SPATA13: variants seen among roughly 807,000 people sequenced by gnomAD.
SPATA13 encodes spermatogenesis associated 13, also known as spermatogenesis-associated protein 13.
Under a neutral mutation model 104.0 loss-of-function variants are expected in SPATA13, and 50 were observed. The ratio of observed to expected loss-of-function variants is 0.48; its 90% CI spans 0.38 to 0.61. The LOEUF is 0.61. Among genes scored for constraint, SPATA13 ranks in the 20% least tolerant of loss-of-function variants. The pLI, the probability that SPATA13 is intolerant of heterozygous loss-of-function variation, is 0.00. For missense variants in SPATA13, 1,524 were observed against 1,690.6 expected, an observed-to-expected ratio of 0.90 and a Z score of 1.73; for synonymous variants, 606 against 667.5, an observed-to-expected ratio of 0.91 and a Z score of 1.42.
In SPATA13 at chr13:24,222,896, G is replaced by C. The variant is rs1398244802; in HGVS notation, c.-34G>C. 1.3e-6 allele frequency: 2 copies of C among 1,549,834 alleles called. No individual in the cohort carries two copies. Among genetic ancestry groups the C allele is most frequent in the Admixed American group, 2.0e-5 (1 of 50,936 alleles). ...GCATTCCTGGAGATGAAGGCCTGGA[G>C]CTGCGGTCTGCGGACTCGGCAGTGC... On this transcript the variant is annotated 5_prime_UTR_variant, in exon 2 of 13. Coordinates refer to ENST00000382108, the MANE Select transcript of SPATA13 (RefSeq NM_001166271.3).
At position 24,047,030 on chromosome 13, in the gene SPATA13, G is replaced by A. The variant is rs560439026; in HGVS notation, c.-112+29329G>A. Among the ~76,000 whole-genome samples, 13 of 152,256 alleles carry A rather than the reference G, an allele frequency of 8.5e-5. No homozygotes were observed. The East Asian group carries it at 2.3e-3, about 27-fold the overall frequency. On this transcript the variant is annotated intron_variant, in intron 3 of 14. Transcript: ENST00000424834. ...GGTTTCATGGCTAATTTGGTGAACA[G>A]CAGGCTAGGGAATGAGTGCTGCTGA...
intron 1 of SPATA13, among the ~76,000 whole-genome samples, chr13:24,173,476 C>T (rs1883080691): frequency 1.3e-5 from 2 of 150,042 alleles, no homozygotes; most frequent in Non-Finnish European, 3.0e-5. Context: ...CTTTCTTTCC[C>T]ATCCATACGC....
Position 24,302,930 on chromosome 13 carries a change from C to G in SPATA13, c.*157C>G. On this transcript the variant is annotated 3_prime_UTR_variant, in exon 13 of 13. Transcript: ENST00000382108. The stretch of plus-strand genomic sequence containing the variant: ...AGAAGGTCTTGGAATCACCTTCAGT[C>G]TTTGGAGACCCAGCTGCCTTTGTGG... 1.1e-6 allele frequency: 1 copy of G among 882,566 alleles called. No individual in the cohort carries two copies. The highest frequency in any genetic ancestry group is 1.6e-5 in the South Asian group (1 of 60,924). 54.7% of individuals were successfully genotyped at this position (882,566 alleles called of 1,614,324 possible). A position where few individuals can be genotyped will look rare whatever the true frequency, so the allele number is the denominator to read the frequency against.
chr13:23,996,230 G>A (rs1875685305), intron 2 of SPATA13, among the ~76,000 whole-genome samples: 1 of 152,194 alleles, frequency 6.6e-6, no homozygotes, highest in Admixed American at 6.5e-5. Flanking sequence ...CTGAGGCCAT[G>A]AGGGAGAGTC....
At chr13:24,093,564 T>A (rs578257212) in intron 3 of SPATA13, among the ~76,000 whole-genome samples, 278 of 152,308 alleles carry the variant, frequency 1.8e-3, no homozygotes, top group Middle Eastern at 6.8e-3. Flanking sequence ...AGGCCCAAAA[T>A]GCTCCATTGA....
intron 3 of SPATA13, among the ~76,000 whole-genome samples, chr13:24,028,021 T>C (rs1463162731): frequency 1.3e-5 from 2 of 152,238 alleles, no homozygotes; most frequent in African/African-American, 2.4e-5. Context: ...TATATTTTTC[T>C]TTGATTCATA....
intron 3 of SPATA13, among the ~76,000 whole-genome samples, chr13:24,032,971 G>A (rs899035100): frequency 6.6e-6 from 1 of 152,196 alleles, no homozygotes; most frequent in Non-Finnish European, 1.5e-5. Context: ...ACTCATTTTG[G>A]GTAGATTGGA....
intron 1 of SPATA13, among the ~76,000 whole-genome samples, chr13:24,178,844 C>T (rs1028697): frequency 0.47 from 71,220 of 152,020 alleles, 19,449 homozygotes; most frequent in Non-Finnish European, 0.61. Context: ...AGTGTATCCA[C>T]GGAGTCATGC....
chr13:24,015,740 C>A (rs1263838796), intron 2 of SPATA13, among the ~76,000 whole-genome samples: 1 of 13,100 alleles, frequency 7.6e-5, no homozygotes, highest in Non-Finnish European at 4.0e-4. Context: ...CCCTGGCAGG[C>A]CCCCCCCCAA....
intron 2 of SPATA13, among the ~76,000 whole-genome samples, chr13:24,226,022 GCTC>G (rs1300789894): frequency 6.6e-6 from 1 of 152,196 alleles, no homozygotes; most frequent in Non-Finnish European, 1.5e-5. Flanking sequence ...GGAATGTGTT[GCTC>G]CTCTCTGCAG....
chr13:24,104,367 C>T lies in SPATA13; in HGVS notation c.-112+86666C>T, dbSNP rs113818277. ...TCTATAAAATGAAAAAGCAATTTAG[C>T]CCACTCAATTTTTAGAGAGGTTTGG... is the stretch of plus-strand genomic sequence containing the variant. On this transcript the variant is annotated intron_variant, in intron 3 of 14. Coordinates refer to the SPATA13 transcript ENST00000424834. Among the ~76,000 whole-genome samples the T allele has an allele frequency of 2.3e-3, 351 of 152,018 alleles. 5 individuals are homozygous for T. Among genetic ancestry groups the T allele is most frequent in the African/African-American group, 7.6e-3 (315 of 41,416 alleles).
chr13:24,197,783 T>G (rs1238293137), intron 1 of SPATA13, among the ~76,000 whole-genome samples: 1 of 152,070 alleles, frequency 6.6e-6, no homozygotes, highest in Admixed American at 6.6e-5. Context: ...GTATAAGGAT[T>G]AGTGAGGGGC....
At chr13:24,282,140 G>A (rs767360499) in intron 4 of SPATA13, among the ~76,000 whole-genome samples, 4 of 152,054 alleles carry the variant, frequency 2.6e-5, no homozygotes, top group Non-Finnish European at 4.4e-5. Flanking sequence ...GAGGCATAAG[G>A]GGAGCAGGAG....
intron 4 of SPATA13, among the ~76,000 whole-genome samples, chr13:24,262,922 T>C (rs906114856): frequency 2.0e-5 from 3 of 152,194 alleles, no homozygotes; most frequent in Non-Finnish European, 4.4e-5. Flanking sequence ...CAAATATAAG[T>C]TAAGCAAATT....
At chr13:24,153,897 A>G (rs999533799) in intron 3 of SPATA13, among the ~76,000 whole-genome samples, 8 of 152,252 alleles carry the variant, frequency 5.3e-5, no homozygotes, top group Non-Finnish European at 1.0e-4. Context: ...TGAGCTGCTT[A>G]GTGGAAATAA....
At chr13:24,066,994 C>T (rs1380796132) in intron 3 of SPATA13, among the ~76,000 whole-genome samples, 3 of 152,188 alleles carry the variant, frequency 2.0e-5, no homozygotes, top group Non-Finnish European at 4.4e-5. Context: ...TTTTAGAGCC[C>T]AGTGCCTTTC....
chr13:23,995,974 A>G (rs1217455629), intron 2 of SPATA13, among the ~76,000 whole-genome samples: 1 of 152,202 alleles, frequency 6.6e-6, no homozygotes, highest in Non-Finnish European at 1.5e-5. Flanking sequence ...CTAGAGAGAC[A>G]ACCGAGCAGA....
chr13:24,045,335 A>G lies in SPATA13; in HGVS notation c.-112+27634A>G, dbSNP rs1878102420. Among the ~76,000 whole-genome samples, 3 of 152,342 alleles carry G rather than the reference A, an allele frequency of 2.0e-5. No homozygotes were observed. In the South Asian group the frequency reaches 6.2e-4, roughly 32 times the overall value. ...TTCTTCCCTTTCTATGAGGTTTTAAAAAGGTCTGCATTTTAGCCTTATTTT... is the reference window on the plus strand; with the variant it reads ...TTCTTCCCTTTCTATGAGGTTTTAAGAAGGTCTGCATTTTAGCCTTATTTT... On this transcript the variant is annotated intron_variant, in intron 3 of 14. Coordinates refer to the SPATA13 transcript ENST00000424834.
At chr13:24,211,136 T>C (rs1260186108) in intron 1 of SPATA13, among the ~76,000 whole-genome samples, 2 of 152,232 alleles carry the variant, frequency 1.3e-5, no homozygotes, top group Non-Finnish European at 2.9e-5. Flanking sequence ...TGAATTTGTT[T>C]ATTAGTTCTA....
Sources: allele counts gnomAD v4.1 joint callset (sites outside exome capture counted in the v4.1 genomes callset), GRCh38; gene constraint gnomAD v4.1.1; transcripts MANE v1.5; gene names NCBI Gene and HGNC (gene_info 2026-07-23, HGNC 2026-07-21).